FOSL1: variants seen among roughly 807,000 people sequenced by gnomAD.
FOSL1 encodes FOS like 1, AP-1 transcription factor subunit, also known as fos-related antigen 1.
Under a neutral mutation model 24.9 loss-of-function variants are expected in FOSL1, and 14 were observed. The ratio of observed to expected loss-of-function variants is 0.56; its 90% CI spans 0.37 to 0.88. FOSL1 has a LOEUF of 0.88. Ranked by LOEUF, FOSL1 falls within the 40% of genes least tolerant of loss-of-function variation. The probability of loss-of-function intolerance (pLI) is 0.00; values close to 1 mark genes in which losing one functional copy is unlikely to be tolerated. For missense variants in FOSL1, 318 were observed against 359.8 expected, an observed-to-expected ratio of 0.88 and a Z score of 0.94; for synonymous variants, 133 against 145.1, an observed-to-expected ratio of 0.92 and a Z score of 0.60.
chr11:65,894,046 G>C lies in FOSL1; in HGVS notation c.373C>G (p.Arg125Gly). The C allele has an allele frequency of 6.2e-7, 1 of 1,610,416 alleles. No homozygotes were observed. The highest frequency in any genetic ancestry group is 8.5e-7 in the Non-Finnish European group (1 of 1,179,032). The change falls in exon 3 of 4, where the codon CGG becomes GGG. Residue 125 changes from arginine (R) to glycine (G), a missense_variant. Physicochemically the swap from Arg to Gly is moderately radical, Grantham distance 125. Coordinates refer to ENST00000312562, the MANE Select transcript of FOSL1 (RefSeq NM_005438.5). The part of the protein sequence containing the change: ...NKLAAAKCRN[R>G]RKELTDFLQA... Reference sequence around the variant, plus strand: ...AGGAAGTCGGTCAGTTCCTTCCTCCGGTTCCTGCACTTGGCCGCAGCCAGC... The same window carrying C: ...AGGAAGTCGGTCAGTTCCTTCCTCCCGTTCCTGCACTTGGCCGCAGCCAGC...
At chr11:65,899,715 C>A (rs1374396461) in intron 1 of FOSL1, among the ~76,000 whole-genome samples, 4 of 152,210 alleles carry the variant, frequency 2.6e-5, no homozygotes, top group Non-Finnish European at 4.4e-5. Context: ...AGGGACTTGG[C>A]GACGGAGGGG....
Position 65,892,807 on chromosome 11 carries a change from C to T in FOSL1, c.*79G>A. 7.0e-7 allele frequency: 1 copy of T among 1,429,084 alleles called. No homozygotes were observed. The highest frequency in any genetic ancestry group is 9.6e-7 in the Non-Finnish European group (1 of 1,037,606). The allele number at this position is 1,429,084 out of a possible 1,614,324, so 88.5% of individuals were successfully genotyped here. On this transcript the variant is annotated 3_prime_UTR_variant, in exon 4 of 4. Coordinates refer to ENST00000312562, the MANE Select transcript of FOSL1 (RefSeq NM_005438.5). ...GCTGGAGTTGGATGTGGGATACTGT[C>T]CAGGCCAGCTGGACCGGTGGGGGAA... is the stretch of plus-strand genomic sequence containing the variant.
intron 3 of FOSL1, 54 bp from the exon 4 acceptor site, chr11:65,893,350 C>T (rs917060542): frequency 3.3e-5 from 48 of 1,458,564 alleles, no homozygotes; most frequent in Non-Finnish European, 3.9e-5. Flanking sequence ...ACCCCAGAGC[C>T]GCAGACGTTT....
At chr11:65,900,421 A>G, upstream of FOSL1, 2 of 800,898 alleles carry the variant, frequency 2.5e-6, no homozygotes, top group Non-Finnish European at 3.4e-6. Flanking sequence ...TCTTTTTATG[A>G]ATGAAAAGTT....
At chr11:65,893,888 T>A in intron 3 of FOSL1, 126 bp downstream of exon 3, 2 of 706,202 alleles carry the variant, frequency 2.8e-6, no homozygotes, top group East Asian at 5.4e-5. Flanking sequence ...CCTCATCATT[T>A]TCCCAGAAGG....
At chr11:65,899,732 A>G (rs1385428788) in intron 1 of FOSL1, among the ~76,000 whole-genome samples, 1 of 152,136 alleles carries the variant, frequency 6.6e-6, no homozygotes, top group African/African-American at 2.4e-5. Flanking sequence ...GGGGCGAAGG[A>G]CAGACAGACG....
intron 2 of FOSL1, among the ~76,000 whole-genome samples, chr11:65,896,290 T>G (rs1860523707): frequency 6.6e-6 from 1 of 152,124 alleles, no homozygotes; most frequent in Non-Finnish European, 1.5e-5. Context: ...CTTCATTTCT[T>G]TGGTGGAAGA....
intron 3 of FOSL1, 105 bp from the exon 4 acceptor site, chr11:65,893,401 AG>A (rs1338174777): frequency 3.6e-5 from 15 of 412,386 alleles, no homozygotes; most frequent in East Asian, 1.6e-4. Context: ...GCGGGGGGAG[AG>A]GGGGGGCAGT....
chr11:65,896,964 G>C lies in FOSL1; in HGVS notation c.142C>G (p.Gln48Glu), dbSNP rs1479339112. The C allele has an allele frequency of 1.2e-6, 2 of 1,614,048 alleles. No homozygotes were observed. The highest frequency in any genetic ancestry group is 4.5e-5 in the East Asian group (2 of 44,900). ...VPSINTMSGSQELQWMVQPHF... is the reference protein window; with the variant it reads ...VPSINTMSGSEELQWMVQPHF... ...GGCTGTACCATCCACTGCAGCTCCT[G>C]ACTGCCACTCATGGTGTTGATGCTT... Residue 48 changes from glutamine (Q) to glutamate (E), a missense_variant, in exon 2 of 4, where the codon CAG becomes GAG. Coordinates refer to ENST00000312562, the MANE Select transcript of FOSL1 (RefSeq NM_005438.5).
chr11:65,896,987 C>A lies in FOSL1; in HGVS notation c.119G>T (p.Ser40Ile), dbSNP rs753130318. Residue 40 changes from serine to isoleucine, a missense_variant, in exon 2 of 4, where the codon AGC becomes ATC. Physicochemically the swap from Ser to Ile is moderately radical, Grantham distance 142 (BLOSUM62 -2). Coordinates refer to ENST00000312562, the MANE Select transcript of FOSL1 (RefSeq NM_005438.5). The part of the protein sequence containing the change: ...AAQQKFHLVP[S>I]INTMSGSQEL... ...CTGACTGCCACTCATGGTGTTGATGCTTGGCACCAGGTGGAACTTCTAAGG... is the reference window on the plus strand; with the variant it reads ...CTGACTGCCACTCATGGTGTTGATGATTGGCACCAGGTGGAACTTCTAAGG... The A allele has an allele frequency of 6.2e-7, 1 of 1,613,810 alleles. No individual in the cohort carries two copies. The highest frequency in any genetic ancestry group is 1.3e-5 in the African/African-American group (1 of 74,920).
At chr11:65,900,187 C>T in intron 1 of FOSL1, 54 bp downstream of exon 1, 1 of 910,290 alleles carries the variant, frequency 1.1e-6, no homozygotes. Flanking sequence ...GAGTTGACCC[C>T]GGCCTCCCAC....
chr11:65,895,299 A>G (rs1387895977), intron 2 of FOSL1, among the ~76,000 whole-genome samples: 1 of 150,986 alleles, frequency 6.6e-6, no homozygotes, highest in African/African-American at 2.4e-5. Flanking sequence ...AATTTTTTGT[A>G]TTTTTTAGTA....
chr11:65,893,977 G>T (rs1860459528), intron 3 of FOSL1, 37 bp downstream of exon 3: 2 of 1,422,380 alleles, frequency 1.4e-6, no homozygotes, highest in Non-Finnish European at 1.9e-6. Flanking sequence ...GGGAGACAGG[G>T]TCCCTCTGAG....
upstream of FOSL1, chr11:65,900,503 C>T (rs963927139): frequency 2.5e-6 from 1 of 398,742 alleles, no homozygotes. Context: ...GGCTCCACCC[C>T]CGAGACGCGC....
In FOSL1 at chr11:65,895,599, C is replaced by T. The variant is rs542737554; in HGVS notation, c.297+1210G>A. ...CCAAAAGGATCCAACTCACAGCTCA[C>T]AGCCCTACCTGGAGAACCCAGGATC... On this transcript the variant is annotated intron_variant, in intron 2 of 3. Coordinates refer to ENST00000312562, the MANE Select transcript of FOSL1 (RefSeq NM_005438.5). Among the ~76,000 whole-genome samples, 7 of 152,322 alleles carry T rather than the reference C, an allele frequency of 4.6e-5. No individual in the cohort carries two copies. The East Asian group carries it at 7.7e-4, about 17-fold the overall frequency.
rs1197029589 is a variant in FOSL1 at position 65,893,052 on chromosome 11, G to C, written c.650C>G (p.Thr217Ser). 2 of 1,611,586 alleles carry C rather than the reference G, an allele frequency of 1.2e-6. No homozygotes were observed. Among genetic ancestry groups the C allele is most frequent in the South Asian group, 2.2e-5 (2 of 90,924 alleles). ...GGAGGGTGTGGTCATGAGTGTGGGG[G>C]TGTGCAGTGCCTCAGGTTCAAGCAC... ...GPVLEPEALH[T>S]PTLMTTPSLT... Residue 217 changes from threonine to serine, a missense_variant, in exon 4 of 4, where the codon ACC (threonine) becomes AGC (serine). Thr to Ser is a moderately conservative substitution (Grantham distance 58). Transcript: ENST00000312562.
intron 1 of FOSL1, among the ~76,000 whole-genome samples, chr11:65,897,352 T>C (rs1860554465): frequency 6.6e-6 from 1 of 151,762 alleles, no homozygotes; most frequent in African/African-American, 2.4e-5. Flanking sequence ...TTTCTTTTTT[T>C]TTTTTCAGAT....
At position 65,894,075 on chromosome 11, in the gene FOSL1, T is replaced by C. The variant is rs769884705; in HGVS notation, c.344A>G (p.Asn115Ser). 1 of 1,611,312 alleles carries C rather than the reference T, an allele frequency of 6.2e-7. No individual in the cohort carries two copies. Among genetic ancestry groups the C allele is most frequent in the Non-Finnish European group, 8.5e-7 (1 of 1,179,688 alleles). The change falls in exon 3 of 4, where the codon AAC becomes AGC. Residue 115 changes from asparagine (N) to serine (S), a missense_variant. Coordinates refer to ENST00000312562, the MANE Select transcript of FOSL1 (RefSeq NM_005438.5). ...CCTGCACTTGGCCGCAGCCAGCTTG[T>C]TCCGCTCGCGCCTTACTCGGCGGCG... ...EERRRVRRER[N>S]KLAAAKCRNR... is the part of the protein sequence containing the mutation.
At chr11:65,898,110 G>A (rs983920579) in intron 1 of FOSL1, among the ~76,000 whole-genome samples, 1 of 134,160 alleles carries the variant, frequency 7.5e-6, no homozygotes, top group Admixed American at 8.3e-5. Flanking sequence ...GCCCGATCTC[G>A]CCTCACTGCA....
Sources: gnomAD v4.1 joint callset for allele counts (sites outside exome capture counted in the v4.1 genomes callset) on GRCh38, gnomAD v4.1.1 for gene constraint, MANE v1.5 for transcripts, NCBI Gene and HGNC (gene_info 2026-07-23, HGNC 2026-07-21) for gene names.